PHKB: variants seen among roughly 807,000 people sequenced by gnomAD.
The protein encoded by PHKB is phosphorylase kinase regulatory subunit beta, also known as phosphorylase b kinase regulatory subunit beta.
In PHKB, 122 loss-of-function variants were observed where a neutral mutation model predicts 152.1. That is an observed-to-expected ratio of 0.80 (90% CI 0.69 to 0.93). The LOEUF (loss-of-function observed/expected upper bound fraction) is 0.93. Among genes scored for constraint, PHKB ranks in the 40% least tolerant of loss-of-function variants. PHKB has a pLI of 0.00. For synonymous variants in PHKB, 436 were observed against 464.9 expected (o/e 0.94, Z 0.80); for missense variants, 1,304 against 1,328.4 (o/e 0.98, Z 0.29).
At chr16:47,577,636 T>C (rs1278913823) in intron 7 of PHKB, among the ~76,000 whole-genome samples, 1 of 152,156 alleles carries the variant, frequency 6.6e-6, no homozygotes, top group Non-Finnish European at 1.5e-5. Flanking sequence ...GGTATAACTT[T>C]CTGAGTGGGT....
intron 6 of PHKB, among the ~76,000 whole-genome samples, chr16:47,545,805 C>T (rs1971152038): frequency 6.6e-6 from 1 of 152,056 alleles, no homozygotes; most frequent in Non-Finnish European, 1.5e-5. Context: ...ACTCTTTTTT[C>T]TCTAAATATC....
At chr16:47,525,823 A>C (rs1183486622) in intron 6 of PHKB, among the ~76,000 whole-genome samples, 2 of 152,210 alleles carry the variant, frequency 1.3e-5, no homozygotes, top group Non-Finnish European at 2.9e-5. Flanking sequence ...GTTGTACCAG[A>C]GGACAGGTGA....
chr16:47,616,929 C>G (rs1972529875), intron 14 of PHKB, among the ~76,000 whole-genome samples: 1 of 150,988 alleles, frequency 6.6e-6, no homozygotes, highest in South Asian at 2.1e-4. Flanking sequence ...GCAGCATGAA[C>G]ATGTCCTTAA....
chr16:47,491,742 A>G (rs1294217164), intron 1 of PHKB, among the ~76,000 whole-genome samples: 1 of 152,180 alleles, frequency 6.6e-6, no homozygotes, highest in Non-Finnish European at 1.5e-5. Flanking sequence ...AGATAACACA[A>G]TGCAAAACAG....
chr16:47,526,569 G>T (rs1188832825), intron 6 of PHKB, among the ~76,000 whole-genome samples: 1 of 151,820 alleles, frequency 6.6e-6, no homozygotes, highest in Non-Finnish European at 1.5e-5. Context: ...AACGGTCAGG[G>T]CACCACTGAA....
At chr16:47,606,978 A>G (rs1020366918) in intron 13 of PHKB, among the ~76,000 whole-genome samples, 1 of 152,072 alleles carries the variant, frequency 6.6e-6, no homozygotes, top group African/African-American at 2.4e-5. Context: ...TGCAACAGCA[A>G]TTGAGGATGT....
chr16:47,648,963 T>C, intron 17 of PHKB, 137 bp from the exon 18 acceptor site: 1 of 667,012 alleles, frequency 1.5e-6, no homozygotes, highest in Non-Finnish European at 2.7e-6. Context: ...AAATATTATC[T>C]GGATGTCGCA....
At chr16:47,623,700 C>T (rs1972659391) in intron 14 of PHKB, among the ~76,000 whole-genome samples, 1 of 151,652 alleles carries the variant, frequency 6.6e-6, no homozygotes, top group Non-Finnish European at 1.5e-5. Context: ...ATTACAGGGA[C>T]CTGCCATCAT....
chr16:47,645,431 T>C (rs1973098857), intron 16 of PHKB, among the ~76,000 whole-genome samples: 1 of 110,676 alleles, frequency 9.0e-6, no homozygotes, highest in East Asian at 2.4e-4. Context: ...TTTCTACATA[T>C]GGCTAGCCAG....
intron 27 of PHKB, among the ~76,000 whole-genome samples, chr16:47,691,160 T>C (rs1290461557): frequency 6.6e-6 from 1 of 152,044 alleles, no homozygotes; most frequent in East Asian, 1.9e-4. Context: ...CAACCCAAAT[T>C]GAGGTACATC....
chr16:47,503,194 G>T, intron 4 of PHKB, 104 bp downstream of exon 4: 1 of 863,654 alleles, frequency 1.2e-6, no homozygotes. Flanking sequence ...TTTTCAAAGG[G>T]AAAGCCACAT....
At chr16:47,628,279 T>C (rs1409554142) in intron 14 of PHKB, among the ~76,000 whole-genome samples, 4 of 152,194 alleles carry the variant, frequency 2.6e-5, no homozygotes, top group Non-Finnish European at 5.9e-5. Context: ...ATGCCTGTAA[T>C]CCCAGCACTT....
At chr16:47,682,156 G>T (rs1468848550) in intron 26 of PHKB, among the ~76,000 whole-genome samples, 1 of 152,148 alleles carries the variant, frequency 6.6e-6, no homozygotes, top group East Asian at 1.9e-4. Context: ...CCTTCCCTTT[G>T]TGGGTTACCC....
At position 47,512,254 on chromosome 16, in the gene PHKB, A is replaced by G. The variant is rs116579466; in HGVS notation, c.513+482A>G. On this transcript the variant is annotated intron_variant, in intron 5 of 30. Transcript: ENST00000323584. ...TATAGAATCAACTCTGAAACAGAGA[A>G]GAAAGTGAAATGGCAGCCACCAGGG... is the stretch of plus-strand genomic sequence containing the variant. Among the ~76,000 whole-genome samples, 859 of 152,350 alleles carry G rather than the reference A, an allele frequency of 5.6e-3. 8 individuals are homozygous for G. The highest frequency in any genetic ancestry group is 0.02 in the African/African-American group (821 of 41,588).
intron 6 of PHKB, among the ~76,000 whole-genome samples, chr16:47,519,929 T>C (rs534525377): frequency 6.6e-6 from 1 of 152,288 alleles, no homozygotes; most frequent in East Asian, 1.9e-4. Flanking sequence ...ACTAAGTTGT[T>C]GTGTACATGT....
chr16:47,636,236 C>T (rs1172375427), intron 14 of PHKB, among the ~76,000 whole-genome samples: 1 of 152,178 alleles, frequency 6.6e-6, no homozygotes, highest in Non-Finnish European at 1.5e-5. Flanking sequence ...AGAGAAAGGT[C>T]AAGACCAGAA....
In PHKB at chr16:47,664,907, G is replaced by A; in HGVS notation, c.2359G>A (p.Ala787Thr). The A allele has an allele frequency of 6.2e-7, 1 of 1,613,570 alleles. No homozygotes were observed. Among genetic ancestry groups the A allele is most frequent in the Non-Finnish European group, 8.5e-7 (1 of 1,179,632 alleles). Reference sequence around the variant, plus strand: ...CAGGTTGGCGGTGCGCTACGGGGCTGCATTTACCCAGAAATTTTCTTCCTC... The same window carrying A: ...CAGGTTGGCGGTGCGCTACGGGGCTACATTTACCCAGAAATTTTCTTCCTC... ...KLWLAVRYGA[A>T]FTQKFSSSIA... The change falls in exon 25 of 31, where the codon GCA becomes ACA. Residue 787 changes from alanine (A) to threonine (T), a missense_variant. Transcript: ENST00000323584.
At chr16:47,542,370 G>A (rs2151668996) in intron 6 of PHKB, among the ~76,000 whole-genome samples, 1 of 152,142 alleles carries the variant, frequency 6.6e-6, no homozygotes, top group East Asian at 1.9e-4. Context: ...TCTCTGTTTT[G>A]GTACCAGTAC....
intron 27 of PHKB, among the ~76,000 whole-genome samples, chr16:47,692,076 A>G (rs982165620): frequency 1.3e-5 from 2 of 152,222 alleles, no homozygotes; most frequent in African/African-American, 4.8e-5. Context: ...GTGAAACACT[A>G]AAGCCAGCAA....
Sources: allele counts gnomAD v4.1 joint callset (sites outside exome capture counted in the v4.1 genomes callset), GRCh38; gene constraint gnomAD v4.1.1; transcripts MANE v1.5; gene names NCBI Gene and HGNC (gene_info 2026-07-23, HGNC 2026-07-21).